HECTD2: variants seen among roughly 807,000 people sequenced by gnomAD.
HECTD2 encodes HECT domain E3 ubiquitin protein ligase 2.
A neutral mutation model predicts 103.2 loss-of-function variants in HECTD2; 35 were observed. The ratio of observed to expected loss-of-function variants is 0.34; its 90% confidence interval spans 0.26 to 0.45. HECTD2 has a LOEUF of 0.45. Ranked by LOEUF, HECTD2 falls within the 20% of genes least tolerant of loss-of-function variation. The probability of loss-of-function intolerance (pLI) is 1.00; values close to 1 mark genes in which losing one functional copy is unlikely to be tolerated. For synonymous variants in HECTD2, 281 were observed against 329.9 expected, an observed-to-expected ratio of 0.85 and a Z score of 1.61; for missense variants, 596 against 937.4, an observed-to-expected ratio of 0.64 and a Z score of 4.76.
chr10:91,504,591 G>A (rs1485685626), intron 20 of HECTD2, among the ~76,000 whole-genome samples: 1 of 151,972 alleles, frequency 6.6e-6, no homozygotes, highest in African/African-American at 2.4e-5. Flanking sequence ...AGAATAAAAA[G>A]AAACGAGCAA....
rs1458429199 is a variant in HECTD2, at chr10:91,430,265, C to A, written c.268+4855C>A. Among the ~76,000 whole-genome samples, 55 of 152,116 alleles carry A rather than the reference C, an allele frequency of 3.6e-4. No individual in the cohort carries two copies. The South Asian group carries it at 0.011, about 32-fold the overall frequency. On this transcript the variant is annotated intron_variant, in intron 2 of 20. Transcript: ENST00000298068. ...GAGACAGTTTGTTATAATTTCTGTT[C>A]TTTTACATTTGCTGAGGAGAGCTTT...
chr10:91,496,352 G>A lies in HECTD2; in HGVS notation c.1660G>A (p.Asp554Asn), dbSNP rs1846663616. Reference sequence around the variant, plus strand: ...AGGCATCTGCAATGTTACCGTGGACGACTTATGTCAAATTATGCCTGTAAG... The same window carrying A: ...AGGCATCTGCAATGTTACCGTGGACAACTTATGTCAAATTATGCCTGTAAG... ...PVGICNVTVD[D>N]LCQIMPELAH... The change falls in exon 15 of 21, where the codon GAC (aspartate) becomes AAC (asparagine). Residue 554 changes from aspartate to asparagine, a missense_variant. Asp to Asn is a conservative substitution (Grantham distance 23). Around this residue, in one of 4 missense-constraint regions of HECTD2, gnomAD observed 303 missense variants for 522.5 expected, o/e 0.58. Transcript: ENST00000298068. 3 of 1,610,220 alleles carry A rather than the reference G, an allele frequency of 1.9e-6. No homozygotes were observed. The highest frequency in any genetic ancestry group is 4.5e-5 in the East Asian group (2 of 44,772).
chr10:91,482,870 T>C (rs1229744781), intron 7 of HECTD2, 97 bp from the exon 8 acceptor site: 3 of 503,302 alleles, frequency 6.0e-6, no homozygotes, highest in Non-Finnish European at 1.1e-5. Flanking sequence ...ATCTCAAATT[T>C]TGTTTCCTGA....
At chr10:91,456,695 A>G (rs1221146651) in intron 2 of HECTD2, among the ~76,000 whole-genome samples, 31 of 152,086 alleles carry the variant, frequency 2.0e-4, no homozygotes, top group Admixed American at 2.0e-3. Context: ...CCCATTCAGT[A>G]TGATATTGGC....
intron 14 of HECTD2, among the ~76,000 whole-genome samples, chr10:91,494,053 G>T (rs1370191408): frequency 6.6e-6 from 1 of 151,924 alleles, no homozygotes; most frequent in East Asian, 1.9e-4. Flanking sequence ...TTCCTATCAG[G>T]TATATTGTAG....
At chr10:91,457,644 ATTTTC>A (rs1169196199) in intron 2 of HECTD2, among the ~76,000 whole-genome samples, 1 of 152,076 alleles carries the variant, frequency 6.6e-6, no homozygotes, top group Non-Finnish European at 1.5e-5. Context: ...AAAAGAGACT[ATTTTC>A]TTTTACTTGA....
intron 1 of HECTD2, among the ~76,000 whole-genome samples, chr10:91,412,518 G>A (rs770393620): frequency 6.6e-6 from 1 of 150,726 alleles, no homozygotes; most frequent in Non-Finnish European, 1.5e-5. Context: ...GCAGTAGCCT[G>A]ATCTCGGCTC....
intron 14 of HECTD2, among the ~76,000 whole-genome samples, chr10:91,494,546 A>G (rs1367297592): frequency 6.6e-6 from 1 of 152,062 alleles, no homozygotes; most frequent in African/African-American, 2.4e-5. Context: ...TGAGACATAT[A>G]TATGGAAACT....
intron 2 of HECTD2, among the ~76,000 whole-genome samples, chr10:91,426,819 A>T (rs1843580806): frequency 6.6e-6 from 1 of 151,766 alleles, no homozygotes; most frequent in African/African-American, 2.4e-5. Flanking sequence ...GTCTTGTGGA[A>T]TCTGGACTTA....
At chr10:91,494,582 T>C (rs1846597740) in intron 14 of HECTD2, among the ~76,000 whole-genome samples, 1 of 152,010 alleles carries the variant, frequency 6.6e-6, no homozygotes, top group South Asian at 2.1e-4. Flanking sequence ...TAAAAGAAAG[T>C]GTAGTAGGGA....
At chr10:91,433,839 A>T (rs1158347260) in intron 2 of HECTD2, among the ~76,000 whole-genome samples, 1 of 151,966 alleles carries the variant, frequency 6.6e-6, no homozygotes, top group Non-Finnish European at 1.5e-5. Flanking sequence ...GAATAAGGTA[A>T]TGAATGGGAG....
chr10:91,486,937 C>G (rs1846287592), intron 10 of HECTD2: 1 of 152,134 alleles, frequency 6.6e-6, no homozygotes. Flanking sequence ...GGGATTCCAG[C>G]TGTAACTGAT....
At chr10:91,506,829 A>T (rs1430578149) in intron 20 of HECTD2, among the ~76,000 whole-genome samples, 1 of 151,418 alleles carries the variant, frequency 6.6e-6, no homozygotes, top group Non-Finnish European at 1.5e-5. Context: ...CAAAAAAGAG[A>T]ATTTTAGACC....
intron 6 of HECTD2, 28 bp from the exon 7 acceptor site, chr10:91,481,066 T>C: frequency 2.3e-6 from 3 of 1,288,528 alleles, no homozygotes; most frequent in Non-Finnish European, 3.3e-6. Flanking sequence ...CATTCATCCA[T>C]AATAAATTAT....
chr10:91,430,962 T>C (rs980746664), intron 2 of HECTD2, among the ~76,000 whole-genome samples: 1 of 151,638 alleles, frequency 6.6e-6, no homozygotes, highest in African/African-American at 2.4e-5. Flanking sequence ...TTGATGCAGT[T>C]TCTTCCTAGT....
At chr10:91,490,188 G>A (rs1282421967) in intron 11 of HECTD2, among the ~76,000 whole-genome samples, 1 of 151,914 alleles carries the variant, frequency 6.6e-6, no homozygotes, top group Non-Finnish European at 1.5e-5. Context: ...AGACAACAGA[G>A]TTGAAATAGT....
chr10:91,487,746 G>C lies in HECTD2; in HGVS notation c.1159G>C (p.Asp387His). 2 of 1,610,888 alleles carry C rather than the reference G, an allele frequency of 1.2e-6. No individual in the cohort carries two copies. The highest frequency in any genetic ancestry group is 1.7e-6 in the Non-Finnish European group (2 of 1,177,712). ...VAAKKIIIQRDSEQQMINIAR... is the reference protein window; with the variant it reads ...VAAKKIIIQRHSEQQMINIAR... The stretch of plus-strand genomic sequence containing the variant: ...TGCAAAAAAAATCATTATTCAGAGA[G>C]ACTCAGAGCAACAGATGATAAACAT... The change falls in exon 11 of 21, where the codon GAC becomes CAC. Residue 387 changes from aspartate (D) to histidine (H), a missense_variant. Physicochemically the swap from Asp to His is moderately conservative, Grantham distance 81 (BLOSUM62 -1). Around this residue, in one of 4 missense-constraint regions of HECTD2, gnomAD observed 303 missense variants for 522.5 expected, o/e 0.58. Transcript: ENST00000298068. The surrounding 1 kb of genome is among the most constrained non-coding windows in gnomAD (Gnocchi z 4.1).
chr10:91,477,250 T>G (rs59929049), intron 5 of HECTD2, among the ~76,000 whole-genome samples: 1,691 of 151,756 alleles, frequency 0.011, 35 homozygotes, highest in African/African-American at 0.039. Flanking sequence ...AGGTCATAGC[T>G]AGGAATGATG....
chr10:91,508,849 C>T (rs978671930), intron 20 of HECTD2, among the ~76,000 whole-genome samples: 1 of 151,970 alleles, frequency 6.6e-6, no homozygotes, highest in African/African-American at 2.4e-5. Flanking sequence ...GTATTATTCA[C>T]AATAGCAAAG....
Sources: allele counts gnomAD v4.1 joint callset (sites outside exome capture counted in the v4.1 genomes callset), GRCh38; gene constraint gnomAD v4.1.1; regional missense constraint gnomAD v4.1.1; non-coding constraint Gnocchi (gnomAD v3.1); transcripts MANE v1.5; gene names NCBI Gene and HGNC (gene_info 2026-07-23, HGNC 2026-07-21).